WWOX: variants seen among roughly 807,000 people sequenced by gnomAD.
The protein encoded by WWOX is WW domain containing oxidoreductase, also known as WW domain-containing oxidoreductase.
Under a neutral mutation model 46.2 loss-of-function variants are expected in WWOX, and 69 were observed. The ratio of observed to expected loss-of-function variants is 1.49; its 90% CI spans 1.23 to 1.82. The LOEUF (loss-of-function observed/expected upper bound fraction) is 1.82. Ranked by LOEUF, WWOX falls within the 40% of genes most tolerant of loss-of-function variation. The probability of loss-of-function intolerance (pLI) is 0.00; values close to 1 mark genes in which losing one functional copy is unlikely to be tolerated. For missense variants in WWOX, 919 were observed against 542.6 expected, an observed-to-expected ratio of 1.69 and a Z score of -6.89; for synonymous variants, 359 against 202.6, an observed-to-expected ratio of 1.77 and a Z score of -6.56.
At chr16:78,868,068 T>G (rs1295949475) in intron 8 of WWOX, among the ~76,000 whole-genome samples, 1 of 152,142 alleles carries the variant, frequency 6.6e-6, no homozygotes, top group Non-Finnish European at 1.5e-5. Flanking sequence ...TTATACAAAG[T>G]CTTGTTCATG....
intron 8 of WWOX, among the ~76,000 whole-genome samples, chr16:78,933,977 A>G (rs1393589628): frequency 6.6e-6 from 1 of 151,976 alleles, no homozygotes; most frequent in African/African-American, 2.4e-5. Flanking sequence ...GAATTACTTG[A>G]GGCCAGGAGT....
intron 5 of WWOX, among the ~76,000 whole-genome samples, chr16:78,311,289 T>G (rs1332792345): frequency 1.3e-5 from 2 of 152,212 alleles, no homozygotes; most frequent in Admixed American, 1.3e-4. Flanking sequence ...CAAGGCCTGA[T>G]GTATATAAAC....
intron 8 of WWOX, among the ~76,000 whole-genome samples, chr16:78,852,499 C>T (rs768952332): frequency 1.3e-5 from 2 of 152,272 alleles, no homozygotes; most frequent in South Asian, 4.1e-4. Context: ...ATGAGCGAGC[C>T]TTGTTGGAAG....
intron 8 of WWOX, among the ~76,000 whole-genome samples, chr16:78,809,617 C>G (rs113744633): frequency 6.6e-6 from 1 of 152,114 alleles, no homozygotes; most frequent in Non-Finnish European, 1.5e-5. Context: ...TTTTCAGAAA[C>G]TCCAGAAATT....
chr16:79,187,004 A>C (rs2051029011), intron 8 of WWOX, among the ~76,000 whole-genome samples: 1 of 152,206 alleles, frequency 6.6e-6, no homozygotes, highest in African/African-American at 2.4e-5. Context: ...GTGCTTGAGA[A>C]AATATAAATT....
At chr16:78,452,058 C>A (rs1281986836) in intron 8 of WWOX, among the ~76,000 whole-genome samples, 1 of 152,288 alleles carries the variant, frequency 6.6e-6, no homozygotes, top group South Asian at 2.1e-4. Context: ...CATGTTCTTT[C>A]TTTAAGTCAT....
rs144525753 is a variant in WWOX, at chr16:78,986,527, C to G, written c.1057-225081C>G. Among the ~76,000 whole-genome samples the G allele has an allele frequency of 1.8e-3, 268 of 152,256 alleles. 1 individual carries two copies. Among genetic ancestry groups the G allele is most frequent in the Middle Eastern group, 0.014 (4 of 294 alleles). ...CTTTTTAGGATTTCATGTAAGTAACCTGTGCAGAGAGTGAGGATAAATAAG... is the reference window on the plus strand; with the variant it reads ...CTTTTTAGGATTTCATGTAAGTAACGTGTGCAGAGAGTGAGGATAAATAAG... On this transcript the variant is annotated intron_variant, in intron 8 of 8. Transcript: ENST00000566780.
chr16:78,588,577 C>G (rs993184343), intron 8 of WWOX, among the ~76,000 whole-genome samples: 1 of 152,090 alleles, frequency 6.6e-6, no homozygotes, highest in Admixed American at 6.5e-5. Context: ...CCTGGAGGAC[C>G]AGTTAGTCTA....
chr16:79,055,432 C>G (rs1157358760), intron 8 of WWOX, among the ~76,000 whole-genome samples: 1 of 152,106 alleles, frequency 6.6e-6, no homozygotes, highest in African/African-American at 2.4e-5. Flanking sequence ...TGCCTGACTA[C>G]CCTGAGACTG....
At chr16:78,390,508 C>T (rs540819294) in intron 6 of WWOX, among the ~76,000 whole-genome samples, 4 of 152,132 alleles carry the variant, frequency 2.6e-5, no homozygotes, top group Admixed American at 2.0e-4. Flanking sequence ...GTAGCACAAC[C>T]CTCTTTGTAT....
intron 8 of WWOX, among the ~76,000 whole-genome samples, chr16:78,910,910 G>C (rs534531973): frequency 2.8e-4 from 42 of 152,084 alleles, no homozygotes; most frequent in African/African-American, 9.4e-4. Context: ...GCAAAGTTAT[G>C]CATATGTTGA....
chr16:78,531,203 G>A (rs912512657), intron 8 of WWOX, among the ~76,000 whole-genome samples: 8 of 152,216 alleles, frequency 5.3e-5, no homozygotes, highest in East Asian at 1.9e-4. Flanking sequence ...CCTTTTCAGC[G>A]TGAATGCAGA....
intron 4 of WWOX, among the ~76,000 whole-genome samples, chr16:78,145,121 C>G (rs2034153982): frequency 6.6e-6 from 1 of 152,128 alleles, no homozygotes; most frequent in Non-Finnish European, 1.5e-5. Flanking sequence ...AAGGTGTTGG[C>G]AGGGTTGGTT....
intron 8 of WWOX, among the ~76,000 whole-genome samples, chr16:78,601,207 C>T (rs748573923): frequency 6.6e-6 from 1 of 152,212 alleles, no homozygotes; most frequent in African/African-American, 2.4e-5. Context: ...AGATTCCTTT[C>T]TTCTTCAGTG....
intron 8 of WWOX, among the ~76,000 whole-genome samples, chr16:78,874,297 G>A (rs1245747509): frequency 6.6e-6 from 1 of 151,666 alleles, no homozygotes; most frequent in Non-Finnish European, 1.5e-5. Context: ...GCCAGGAAAG[G>A]AGGCCCTGAG....
intron 8 of WWOX, among the ~76,000 whole-genome samples, chr16:78,547,204 G>A (rs929982619): frequency 6.7e-6 from 1 of 150,132 alleles, no homozygotes; most frequent in Non-Finnish European, 1.5e-5. Context: ...CAACCCACGG[G>A]GATAGGGTGA....
rs894737417 is a variant in WWOX at position 78,459,866 on chromosome 16, G to A, written c.1056+27114G>A. ...ACCCAGGCTGCTGGAGTGCAGTGGT[G>A]CAATCATGGCTCACTGCAGTCTTGA... On this transcript the variant is annotated intron_variant, in intron 8 of 8. Transcript: ENST00000566780. Among the ~76,000 whole-genome samples, 37 of 150,872 alleles carry A rather than the reference G, an allele frequency of 2.5e-4. 1 individual carries two copies. The highest frequency in any genetic ancestry group is 8.5e-4 in the African/African-American group (35 of 41,108).
At chr16:78,199,245 G>A (rs758284975) in intron 5 of WWOX, among the ~76,000 whole-genome samples, 2 of 152,016 alleles carry the variant, frequency 1.3e-5, no homozygotes, top group Admixed American at 6.6e-5. Context: ...CCCAGGAGGC[G>A]GAGGTTGCAG....
intron 8 of WWOX, among the ~76,000 whole-genome samples, chr16:78,614,332 G>C (rs1401423853): frequency 6.6e-6 from 1 of 152,228 alleles, no homozygotes; most frequent in Non-Finnish European, 1.5e-5. Context: ...GTTTATTTGT[G>C]TGTGTATTGT....
Sources: gnomAD v4.1 joint callset for allele counts (sites outside exome capture counted in the v4.1 genomes callset) on GRCh38, gnomAD v4.1.1 for gene constraint, MANE v1.5 for transcripts, NCBI Gene and HGNC (gene_info 2026-07-23, HGNC 2026-07-21) for gene names.